XKR4: variants seen among roughly 807,000 people sequenced by gnomAD.
The protein encoded by XKR4 is XK related 4.
XKR4 carries 12 observed loss-of-function variants against 53.9 expected under a neutral mutation model. The ratio of observed to expected loss-of-function variants is 0.22; its 90% CI spans 0.14 to 0.36. XKR4 has a LOEUF of 0.36. Among genes scored for constraint, XKR4 ranks in the 10% least tolerant of loss-of-function variants. The pLI, the probability that XKR4 is intolerant of heterozygous loss-of-function variation, is 1.00. For synonymous variants in XKR4, 354 were observed against 362.4 expected (o/e 0.98, Z 0.26); for missense variants, 799 against 859.5 (o/e 0.93, Z 0.88).
chr8:55,517,344 G>C (rs1806727745), intron 2 of XKR4: 1 of 151,732 alleles, frequency 6.6e-6, no homozygotes, highest in African/African-American at 2.4e-5. Context: ...GAAGTTAATA[G>C]GCAAGCAGAG....
chr8:55,222,125 G>A (rs1167229491), intron 1 of XKR4, among the ~76,000 whole-genome samples: 1 of 152,088 alleles, frequency 6.6e-6, no homozygotes. Flanking sequence ...TAAGACTTTT[G>A]TCCTGGTACT....
chr8:55,411,463 T>C (rs1804777456), intron 2 of XKR4, among the ~76,000 whole-genome samples: 1 of 152,238 alleles, frequency 6.6e-6, no homozygotes, highest in Non-Finnish European at 1.5e-5. Flanking sequence ...GTTTTCAAAA[T>C]TGAATTCTTC....
intron 2 of XKR4, among the ~76,000 whole-genome samples, chr8:55,394,323 GTAAC>G (rs1804485904): frequency 6.6e-6 from 1 of 152,134 alleles, no homozygotes; most frequent in Non-Finnish European, 1.5e-5. Flanking sequence ...AGTCATCTGA[GTAAC>G]TAACTAGAGG....
chr8:55,247,048 A>AGT (rs1818294817), intron 1 of XKR4, among the ~76,000 whole-genome samples: 3 of 152,240 alleles, frequency 2.0e-5, no homozygotes, highest in African/African-American at 7.2e-5. Context: ...CTCCCTTAGG[A>AGT]AACCAGAGCT....
At chr8:55,142,370 C>T (rs1027750634) in intron 1 of XKR4, 3 of 319,360 alleles carry the variant, frequency 9.4e-6, no homozygotes, top group African/African-American at 6.4e-5. Context: ...ACGGTCTGTC[C>T]TGCCTCTTGG....
chr8:55,504,284 C>T (rs980560404), intron 2 of XKR4, among the ~76,000 whole-genome samples: 2 of 152,004 alleles, frequency 1.3e-5, no homozygotes, highest in African/African-American at 4.8e-5. Context: ...GCGATCTCAG[C>T]TCACTGCAAC....
At chr8:55,454,793 C>A in intron 2 of XKR4, 1 of 771,334 alleles carries the variant, frequency 1.3e-6, no homozygotes, top group Non-Finnish European at 2.4e-6. Flanking sequence ...AACATCTGGG[C>A]AGATGGGCAG....
intron 2 of XKR4, among the ~76,000 whole-genome samples, chr8:55,522,432 C>T (rs1806811118): frequency 6.6e-6 from 1 of 152,202 alleles, no homozygotes; most frequent in Non-Finnish European, 1.5e-5. Flanking sequence ...CTAGGACAAA[C>T]TGTGCACCAG....
chr8:55,521,492 G>C (rs1205113772), intron 2 of XKR4, among the ~76,000 whole-genome samples: 1 of 151,990 alleles, frequency 6.6e-6, no homozygotes, highest in African/African-American at 2.4e-5. Flanking sequence ...TTGTATACTG[G>C]TCTCTGACCT....
intron 1 of XKR4, among the ~76,000 whole-genome samples, chr8:55,127,533 G>T (rs1052586080): frequency 6.7e-6 from 1 of 149,452 alleles, no homozygotes; most frequent in African/African-American, 2.5e-5. Flanking sequence ...GATTACAGGC[G>T]TGAGCCACCA....
chr8:55,177,943 C>T (rs879664329), intron 1 of XKR4, among the ~76,000 whole-genome samples: 1 of 152,166 alleles, frequency 6.6e-6, no homozygotes, highest in East Asian at 1.9e-4. Context: ...CCTGCCAGGA[C>T]CAGCCTTGAC....
chr8:55,197,613 G>A lies in XKR4; in HGVS notation c.806+94319G>A, dbSNP rs933818789. Among the ~76,000 whole-genome samples, 5 of 149,562 alleles carry A rather than the reference G, an allele frequency of 3.3e-5. No homozygotes were observed. In the East Asian group the frequency reaches 9.8e-4, roughly 29 times the overall value. ...GGCTGGAGTGCAGTGGCACAATCTC[G>A]GCTCACTGCAACCTCCGCCTCCTGG... On this transcript the variant is annotated intron_variant, in intron 1 of 2. Coordinates refer to ENST00000327381, the MANE Select transcript of XKR4 (RefSeq NM_052898.2).
At chr8:55,479,842 A>C (rs1033945984) in intron 2 of XKR4, among the ~76,000 whole-genome samples, 7 of 152,118 alleles carry the variant, frequency 4.6e-5, no homozygotes, top group Admixed American at 4.6e-4. Context: ...TCCCAAGACT[A>C]AACCAAGAAG....
At chr8:55,188,991 C>G (rs1817411773) in intron 1 of XKR4, among the ~76,000 whole-genome samples, 1 of 152,096 alleles carries the variant, frequency 6.6e-6, no homozygotes, top group African/African-American at 2.4e-5. Context: ...ATTCACAAAT[C>G]TCTTCTGTCA....
intron 2 of XKR4, among the ~76,000 whole-genome samples, chr8:55,374,400 C>T (rs1171649779): frequency 2.0e-5 from 3 of 152,096 alleles, no homozygotes; most frequent in Non-Finnish European, 2.9e-5. Flanking sequence ...GAGAAGTGAC[C>T]GGTTCCACCT....
At chr8:55,433,854 C>G (rs1805135932) in intron 2 of XKR4, among the ~76,000 whole-genome samples, 2 of 152,010 alleles carry the variant, frequency 1.3e-5, no homozygotes, top group Admixed American at 6.6e-5. Context: ...AGGGAGATCC[C>G]ATCTCTACAA....
At chr8:55,232,135 G>C (rs898029108) in intron 1 of XKR4, among the ~76,000 whole-genome samples, 1 of 152,146 alleles carries the variant, frequency 6.6e-6, no homozygotes, top group African/African-American at 2.4e-5. Context: ...GTCATTTTCC[G>C]TTGGGTTGTA....
chr8:55,451,251 C>A, intron 2 of XKR4: 1 of 577,312 alleles, frequency 1.7e-6, no homozygotes, highest in South Asian at 2.0e-5. Flanking sequence ...ACTGCTGCGC[C>A]CACAGGTCCA....
At chr8:55,440,797 C>T (rs1429097734) in intron 2 of XKR4, among the ~76,000 whole-genome samples, 1 of 152,094 alleles carries the variant, frequency 6.6e-6, no homozygotes, top group African/African-American at 2.4e-5. Context: ...GCTCTTTCTA[C>T]ATCTACAATA....
Sources: gnomAD v4.1 joint callset for allele counts (sites outside exome capture counted in the v4.1 genomes callset) on GRCh38, gnomAD v4.1.1 for gene constraint, MANE v1.5 for transcripts, NCBI Gene and HGNC (gene_info 2026-07-23, HGNC 2026-07-21) for gene names.